ANKRD36C: variants seen among roughly 807,000 people sequenced by gnomAD.
ANKRD36C encodes the protein ankyrin repeat domain-containing protein 36C.
A neutral mutation model predicts 276.4 loss-of-function variants in ANKRD36C; 61 were observed. That is an observed-to-expected ratio of 0.22 (90% confidence interval 0.18 to 0.27). The LOEUF is 0.27. Ranked by LOEUF, ANKRD36C falls within the 10% of genes least tolerant of loss-of-function variation. The pLI, the probability that ANKRD36C is intolerant of heterozygous loss-of-function variation, is 1.00. For missense variants in ANKRD36C, 1,447 were observed against 2,032.3 expected, an observed-to-expected ratio of 0.71 and a Z score of 5.54; for synonymous variants, 483 against 680.1, an observed-to-expected ratio of 0.71 and a Z score of 4.51.
chr2:95,967,768 C>A (rs1678621926), intron 6 of ANKRD36C, among the ~76,000 whole-genome samples: 1 of 151,744 alleles, frequency 6.6e-6, no homozygotes, highest in African/African-American at 2.4e-5. Flanking sequence ...ACAGACTGGG[C>A]AACATAGCAA....
At position 95,982,242 on chromosome 2, in the gene ANKRD36C, A is replaced by G; in HGVS notation, c.593+14T>C. ...CAGGTTTAAAAACAACACAATAAGA[A>G]CTAAGGTCTGTACCTGCCAAGATAA... On this transcript the variant is annotated intron_variant, in intron 4 of 66. Coordinates refer to ENST00000456556, the Ensembl canonical transcript of ANKRD36C. The G allele has an allele frequency of 6.6e-7, 1 of 1,522,094 alleles. No homozygotes were observed. The highest frequency in any genetic ancestry group is 2.1e-5 in the Admixed American group (1 of 47,868). 94.3% of individuals were successfully genotyped at this position (1,522,094 alleles called of 1,614,324 possible).
At chr2:95,907,068 A>G in intron 42 of ANKRD36C, 1 of 11,530 alleles carries the variant, frequency 8.7e-5, no homozygotes, top group Non-Finnish European at 1.6e-4. Context: ...GAAACCCAAA[A>G]TAAAACCGTG....
chr2:95,989,800 T>C (rs78106092), intron 1 of ANKRD36C, among the ~76,000 whole-genome samples: 49 of 150,864 alleles, frequency 3.2e-4, no homozygotes, highest in East Asian at 1.4e-3. Flanking sequence ...CCCTCACAAA[T>C]TTGTGGATAG....
intron 22 of ANKRD36C, among the ~76,000 whole-genome samples, chr2:95,937,770 C>T (rs59033856): frequency 1.2e-3 from 159 of 130,838 alleles, no homozygotes; most frequent in South Asian, 3.1e-3. Context: ...AATGAATGTA[C>T]TCAATACAGC....
chr2:95,912,711 G>A (rs1573760149), intron 40 of ANKRD36C, among the ~76,000 whole-genome samples: 2 of 151,422 alleles, frequency 1.3e-5, no homozygotes, highest in Admixed American at 6.6e-5. Context: ...ATGTGGATAT[G>A]CTGAGTGATG....
chr2:95,902,144 C>G (rs372088998), intron 42 of ANKRD36C, among the ~76,000 whole-genome samples: 15 of 149,818 alleles, frequency 1.0e-4, no homozygotes, highest in Admixed American at 2.0e-4. Flanking sequence ...AACAGGGAAG[C>G]AAATTTATTC....
At position 95,919,574 on chromosome 2, in the gene ANKRD36C, T is replaced by A. The variant is rs528825672; in HGVS notation, c.2246-1532A>T. Among the ~76,000 whole-genome samples the A allele has an allele frequency of 2.6e-3, 338 of 131,032 alleles. 73 individuals carry two copies. The highest frequency in any genetic ancestry group is 4.7e-3 in the Admixed American group (58 of 12,460). The allele number at this position is 131,032 out of a possible 152,430, so 86.0% of individuals were successfully genotyped here. A position where few individuals can be genotyped will look rare whatever the true frequency, so the allele number is the denominator to read the frequency against. ...GTTCCAGGCCAACAGCATTAGCGTC[T>A]CCCAAGAAATTTATTACAAATGAAA... On this transcript the variant is annotated intron_variant, in intron 34 of 66. Transcript: ENST00000456556.
chr2:95,891,428 T>C (rs900428681), intron 46 of ANKRD36C, among the ~76,000 whole-genome samples: 1 of 151,478 alleles, frequency 6.6e-6, no homozygotes, highest in African/African-American at 2.4e-5. Flanking sequence ...TGCCTTGAAC[T>C]GCTCTCCATA....
chr2:95,927,224 T>C (rs1415014362), exon 28 of ANKRD36C: 1 of 1,610,202 alleles, frequency 6.2e-7, no homozygotes, highest in Non-Finnish European at 8.5e-7. Flanking sequence ...CTGTCCCAGA[T>C]TGTTGTCCCT....
rs917917906 is a variant in ANKRD36C, at chr2:95,910,444, G to C, written c.2653+1800C>G. On this transcript the variant is annotated intron_variant, in intron 42 of 66. Coordinates refer to ENST00000456556, the Ensembl canonical transcript of ANKRD36C. Reference sequence around the variant, plus strand: ...AACAGAATCTTCCTCGTCACTTGTAGCCTGAATAGAATTTGAAACGAAATA... The same window carrying C: ...AACAGAATCTTCCTCGTCACTTGTACCCTGAATAGAATTTGAAACGAAATA... 13 of 1,570,418 alleles carry C rather than the reference G, an allele frequency of 8.3e-6. No homozygotes were observed. In the African/African-American group the frequency reaches 1.5e-4, roughly 18 times the overall value.
At chr2:95,956,227 T>C (rs1193288236) in intron 13 of ANKRD36C, among the ~76,000 whole-genome samples, 1 of 152,210 alleles carries the variant, frequency 6.6e-6, no homozygotes, top group Non-Finnish European at 1.5e-5. Context: ...ACTGGCCTAG[T>C]CTTGCTTACA....
intron 34 of ANKRD36C, among the ~76,000 whole-genome samples, chr2:95,918,338 T>G (rs557674203): frequency 3.3e-5 from 5 of 151,696 alleles, no homozygotes; most frequent in Non-Finnish European, 5.9e-5. Context: ...GAGGACAAAC[T>G]GATCTAAAAT....
At chr2:95,921,520 C>A (rs534088333) in intron 34 of ANKRD36C, 87 bp downstream of exon 34, 21 of 1,518,230 alleles carry the variant, frequency 1.4e-5, no homozygotes, top group South Asian at 2.5e-5. Context: ...CGAGCCCCCC[C>A]ACCTGCCCTC....
chr2:95,947,766 G>C (rs115855833), intron 17 of ANKRD36C, among the ~76,000 whole-genome samples: 3,995 of 152,194 alleles, frequency 0.026, 183 homozygotes, highest in African/African-American at 0.092. Context: ...GGAAAACACA[G>C]TGTAAGCCCT....
At chr2:95,968,137 T>C (rs1263266662) in intron 6 of ANKRD36C, among the ~76,000 whole-genome samples, 1 of 151,998 alleles carries the variant, frequency 6.6e-6, no homozygotes, top group African/African-American at 2.4e-5. Flanking sequence ...TTAGACCTTG[T>C]AGGAAAAAAA....
intron 65 of ANKRD36C, 134 bp downstream of exon 85, chr2:95,851,992 A>G (rs1319828952): frequency 4.1e-5 from 47 of 1,137,118 alleles, no homozygotes; most frequent in Admixed American, 1.3e-4. Flanking sequence ...ATGTATGTCA[A>G]TATAGCTTAC....
intron 6 of ANKRD36C, among the ~76,000 whole-genome samples, chr2:95,976,497 G>T (rs1177974372): frequency 3.3e-5 from 5 of 152,142 alleles, no homozygotes; most frequent in Non-Finnish European, 7.3e-5. Flanking sequence ...AGGGGTTTCA[G>T]TACAAACTAA....
chr2:95,850,314 A>G (rs1675264401), downstream of ANKRD36C, among the ~76,000 whole-genome samples: 1 of 152,284 alleles, frequency 6.6e-6, no homozygotes, highest in Non-Finnish European at 1.5e-5. Context: ...ATAATCTGAA[A>G]AAACAAACAG....
intron 58 of ANKRD36C, among the ~76,000 whole-genome samples, chr2:95,876,883 T>C (rs907829641): frequency 1.3e-5 from 2 of 149,558 alleles, no homozygotes; most frequent in African/African-American, 2.5e-5. Flanking sequence ...AAAGTCTTTC[T>C]AAAACCAGAA....
Sources: gnomAD v4.1 joint callset for allele counts (sites outside exome capture counted in the v4.1 genomes callset) on GRCh38, gnomAD v4.1.1 for gene constraint, MANE v1.5 for transcripts, NCBI Gene and HGNC (gene_info 2026-07-23, HGNC 2026-07-21) for gene names.